The following LIMCH1 variants were observed in gnomAD, a reference collection of about 807,000 sequenced individuals.
The protein encoded by LIMCH1 is LIM and calponin homology domains 1.
Under a neutral mutation model 176.5 loss-of-function variants are expected in LIMCH1, and 113 were observed. The ratio of observed to expected loss-of-function variants is 0.64; its 90% CI spans 0.55 to 0.75. The LOEUF (loss-of-function observed/expected upper bound fraction) is 0.75. Ranked by LOEUF, LIMCH1 falls within the 30% of genes least tolerant of loss-of-function variation. LIMCH1 has a pLI of 0.00. For missense variants in LIMCH1, 1,674 were observed against 1,814.9 expected (o/e 0.92, Z 1.41); for synonymous variants, 619 against 645.9 (o/e 0.96, Z 0.63).
At chr4:41,482,026 T>C (rs1447923213) in intron 1 of LIMCH1, among the ~76,000 whole-genome samples, 1 of 152,052 alleles carries the variant, frequency 6.6e-6, no homozygotes, top group Non-Finnish European at 1.5e-5. Flanking sequence ...AATTTTTGTA[T>C]TTTTAGTAGA....
In LIMCH1 at chr4:41,697,236, C is replaced by T. The variant is rs1731383785; in HGVS notation, c.*51C>T. 1 of 1,567,266 alleles carries T rather than the reference C, an allele frequency of 6.4e-7. No homozygotes were observed. The highest frequency in any genetic ancestry group is 8.8e-7 in the Non-Finnish European group (1 of 1,138,470). Reference sequence around the variant, plus strand: ...TCACCATTTCTTTACTGAGAGTGTCCCCTGGCAACTGCTTAACAAAATCCC... The same window carrying T: ...TCACCATTTCTTTACTGAGAGTGTCTCCTGGCAACTGCTTAACAAAATCCC... On this transcript the variant is annotated 3_prime_UTR_variant, in exon 32 of 32. Transcript: ENST00000503057.
At position 41,494,562 on chromosome 4, in the gene LIMCH1, T is replaced by TA. The variant is rs1202509874; in HGVS notation, c.126dup (p.Asp43ArgfsTer25). 1.2e-6 allele frequency: 2 copies of TA among 1,613,392 alleles called. No individual in the cohort carries two copies. The highest frequency in any genetic ancestry group is 8.5e-7 in the Non-Finnish European group (1 of 1,179,678). On this transcript the variant is annotated frameshift_variant, in exon 2 of 27. Transcript: ENST00000313860. LOFTEE classifies it high-confidence loss of function. ...AAGTAACTGGCAGAAGTTTTGGTGA[T>TA]AAAGATTTTCGGACAGGTTTAGAAA... is the stretch of plus-strand genomic sequence containing the variant.
chr4:41,504,547 C>T lies in LIMCH1; in HGVS notation c.167+9941C>T, dbSNP rs538110433. Among the ~76,000 whole-genome samples, 6 of 152,372 alleles carry T rather than the reference C, an allele frequency of 3.9e-5. No homozygotes were observed. In the South Asian group the frequency reaches 6.2e-4, roughly 16 times the overall value. Reference sequence around the variant, plus strand: ...TCCCACTCGTGGGAGCAACCCCATACTCACCTTCAGATTCCCAAATGCTCC... The same window carrying T: ...TCCCACTCGTGGGAGCAACCCCATATTCACCTTCAGATTCCCAAATGCTCC... On this transcript the variant is annotated intron_variant, in intron 2 of 26. Coordinates refer to the LIMCH1 transcript ENST00000313860.
chr4:41,469,279 C>A (rs1380866945), intron 1 of LIMCH1, among the ~76,000 whole-genome samples: 1 of 152,220 alleles, frequency 6.6e-6, no homozygotes, highest in Non-Finnish European at 1.5e-5. Flanking sequence ...TCAGGGGAAA[C>A]AGATCTGTTA....
chr4:41,468,388 C>CCCTCCCTT (rs1205572879), intron 1 of LIMCH1, among the ~76,000 whole-genome samples: 2 of 128,246 alleles, frequency 1.6e-5, no homozygotes, highest in Admixed American at 1.6e-4. Flanking sequence ...CTCCCTCCCT[C>CCCTCCCTT]CCTCCCTTCC....
chr4:41,536,543 C>T (rs899254492), upstream of LIMCH1, among the ~76,000 whole-genome samples: 3 of 152,110 alleles, frequency 2.0e-5, no homozygotes, highest in African/African-American at 7.2e-5. Context: ...TTAAACATAA[C>T]ATTAAAAATA....
intron 1 of LIMCH1, among the ~76,000 whole-genome samples, chr4:41,485,425 A>G (rs2069339730): frequency 6.6e-6 from 1 of 152,182 alleles, no homozygotes; most frequent in Non-Finnish European, 1.5e-5. Context: ...TGTCCCTCCA[A>G]GAAATATTTT....
intron 18 of LIMCH1, among the ~76,000 whole-genome samples, chr4:41,653,870 G>C (rs2094385518): frequency 6.6e-6 from 1 of 152,202 alleles, no homozygotes; most frequent in South Asian, 2.1e-4. Context: ...AATTAAGTTA[G>C]GAATTTTAAA....
rs572066247 is a variant in LIMCH1 at position 41,377,494 on chromosome 4, C to T, written c.96+16558C>T. Among the ~76,000 whole-genome samples, 66 of 152,180 alleles carry T rather than the reference C, an allele frequency of 4.3e-4. No individual in the cohort carries two copies. The East Asian group carries it at 6.8e-3, about 16-fold the overall frequency. Reference sequence around the variant, plus strand: ...TTTTTCCAGTAATACTCTCATCTACCGCAAAGTCTGTTCAGGTTTCCTTGG... The same window carrying T: ...TTTTTCCAGTAATACTCTCATCTACTGCAAAGTCTGTTCAGGTTTCCTTGG... On this transcript the variant is annotated intron_variant, in intron 1 of 26. Coordinates refer to the LIMCH1 transcript ENST00000313860.
At chr4:41,559,867 T>C (rs977049253) in intron 1 of LIMCH1, among the ~76,000 whole-genome samples, 5 of 152,126 alleles carry the variant, frequency 3.3e-5, no homozygotes, top group African/African-American at 9.7e-5. Flanking sequence ...TGTCTATCAT[T>C]TTTCTCTTGA....
chr4:41,619,566 TG>T lies in LIMCH1; in HGVS notation c.458+129del. The T allele has an allele frequency of 2.4e-6, 3 of 1,245,536 alleles. No individual in the cohort carries two copies. In the East Asian group the frequency reaches 7.4e-5, roughly 31 times the overall value. The allele number at this position is 1,245,536 out of a possible 1,614,324, so 77.2% of individuals were successfully genotyped here. A position where few individuals can be genotyped will look rare whatever the true frequency, so the allele number is the denominator to read the frequency against. On this transcript the variant is annotated intron_variant, in intron 6 of 31. Transcript: ENST00000503057. Reference sequence around the variant, plus strand: ...TTTGATGGAAGATTACAGATGGAGGTGGGTGGGACAGATCTTTGGAGAGAGC... The same window carrying T: ...TTTGATGGAAGATTACAGATGGAGGTGGTGGGACAGATCTTTGGAGAGAGC...
chr4:41,524,316 A>T, intron 2 of LIMCH1: 1 of 930,232 alleles, frequency 1.1e-6, no homozygotes, highest in Non-Finnish European at 1.8e-6. Flanking sequence ...TGCTTTTCCT[A>T]TCCAGCAATT....
At chr4:41,429,063 T>C (rs1486906663) in intron 1 of LIMCH1, among the ~76,000 whole-genome samples, 2 of 152,212 alleles carry the variant, frequency 1.3e-5, no homozygotes, top group African/African-American at 4.8e-5. Context: ...GCAACGTAAA[T>C]AGCAGGTGCA....
At chr4:41,496,432 TAGG>T in intron 2 of LIMCH1, among the ~76,000 whole-genome samples, 1 of 152,268 alleles carries the variant, frequency 6.6e-6, no homozygotes. Flanking sequence ...ATGAACCACA[TAGG>T]AGGCCAGAGG....
intron 24 of LIMCH1, 132 bp from the exon 25 acceptor site, chr4:41,680,823 A>G (rs1442580276): frequency 1.9e-5 from 10 of 517,056 alleles, no homozygotes; most frequent in Middle Eastern, 2.9e-4. Flanking sequence ...TTTGGAAAAT[A>G]AGACTTTTTA....
At chr4:41,562,144 C>T (rs1490189161) in intron 1 of LIMCH1, among the ~76,000 whole-genome samples, 1 of 152,174 alleles carries the variant, frequency 6.6e-6, no homozygotes, top group Non-Finnish European at 1.5e-5. Flanking sequence ...GAAAGAGTCA[C>T]AGTCCTGTCC....
At chr4:41,648,816 TTACCACCCG>T in intron 17 of LIMCH1, among the ~76,000 whole-genome samples, 1 of 151,792 alleles carries the variant, frequency 6.6e-6, no homozygotes, top group Non-Finnish European at 1.5e-5. Flanking sequence ...AAACTGAAAG[TTACCACCCG>T]TTGCTAGGTT....
At chr4:41,397,909 T>A (rs1254268829) in intron 1 of LIMCH1, among the ~76,000 whole-genome samples, 2 of 152,104 alleles carry the variant, frequency 1.3e-5, no homozygotes. Context: ...TTACAATTTT[T>A]ATATTATGTA....
rs865923537 is a variant in LIMCH1, at chr4:41,444,325, C to T, written c.97-50211C>T. Among the ~76,000 whole-genome samples the T allele has an allele frequency of 6.6e-4, 78 of 117,982 alleles. 2 individuals are homozygous for T. Among genetic ancestry groups the T allele is most frequent in the African/African-American group, 4.4e-4 (6 of 13,678 alleles). 77.4% of individuals were successfully genotyped at this position (117,982 alleles called of 152,430 possible). On this transcript the variant is annotated intron_variant, in intron 1 of 26. Coordinates refer to the LIMCH1 transcript ENST00000313860. ...GTGTGTATATATATACACACACACA[C>T]ACACACACACACACACACACACACA... is the stretch of plus-strand genomic sequence containing the variant.
Sources: allele counts gnomAD v4.1 joint callset (sites outside exome capture counted in the v4.1 genomes callset), GRCh38; gene constraint gnomAD v4.1.1; transcripts MANE v1.5; gene names NCBI Gene and HGNC (gene_info 2026-07-23, HGNC 2026-07-21).